ARB2A: variants seen among roughly 807,000 people sequenced by gnomAD.
ARB2A encodes ARB2 cotranscriptional regulator A.
the ARB2A span, among the ~76,000 whole-genome samples, chr5:93,855,184 G>C: frequency 6.6e-6 from 1 of 152,164 alleles, no homozygotes; most frequent in East Asian, 1.9e-4. Context: ...AGCTCTTCTT[G>C]TTGAATTGAT....
the ARB2A span, among the ~76,000 whole-genome samples, chr5:93,743,833 A>AT: frequency 6.6e-6 from 1 of 151,746 alleles, no homozygotes; most frequent in Non-Finnish European, 1.5e-5. Flanking sequence ...CGCCTGGCTA[A>AT]TTTTTTGTAT....
At chr5:93,981,785 T>C in the ARB2A span, among the ~76,000 whole-genome samples, 1 of 152,254 alleles carries the variant, frequency 6.6e-6, no homozygotes, top group South Asian at 2.1e-4. Context: ...GTAAAAATAC[T>C]GCAGCTAAAA....
the ARB2A span, among the ~76,000 whole-genome samples, chr5:93,637,308 GT>G: frequency 7.1e-6 from 1 of 140,638 alleles, no homozygotes; most frequent in Non-Finnish European, 1.5e-5. Flanking sequence ...ACCACAGCTT[GT>G]TTAACCATAA....
chr5:93,687,819 G>GTAGA, the ARB2A span, among the ~76,000 whole-genome samples: 1,205 of 152,158 alleles, frequency 7.9e-3, 17 homozygotes, highest in African/African-American at 0.027. Flanking sequence ...AATAAAAAAT[G>GTAGA]TAGATATTTT....
At chr5:93,941,483 C>T in the ARB2A span, among the ~76,000 whole-genome samples, 1 of 152,170 alleles carries the variant, frequency 6.6e-6, no homozygotes, top group South Asian at 2.1e-4. Flanking sequence ...GCCTTCTATG[C>T]ATTTAAACTC....
At chr5:94,025,149 T>C in the ARB2A span, among the ~76,000 whole-genome samples, 359 of 152,332 alleles carry the variant, frequency 2.4e-3, no homozygotes, top group African/African-American at 8.2e-3. Flanking sequence ...ATGGACTACA[T>C]TGGAATTAAG....
the ARB2A span, among the ~76,000 whole-genome samples, chr5:93,773,554 C>T: frequency 6.6e-6 from 1 of 152,090 alleles, no homozygotes; most frequent in East Asian, 1.9e-4. Flanking sequence ...GAGTCTTGAC[C>T]AACTATAGTG....
the ARB2A span, among the ~76,000 whole-genome samples, chr5:93,961,034 A>G: frequency 1.1e-4 from 16 of 152,284 alleles, no homozygotes; most frequent in African/African-American, 1.2e-4. Context: ...CAGTTAAAGA[A>G]GCCTAAAAAA....
chr5:94,016,997 T>C, the ARB2A span, among the ~76,000 whole-genome samples: 25 of 152,176 alleles, frequency 1.6e-4, no homozygotes, highest in African/African-American at 6.0e-4. Context: ...TTTCTGCCAG[T>C]TCCCTAGCAC....
chr5:93,873,365 GA>G, the ARB2A span, among the ~76,000 whole-genome samples: 6 of 9,930 alleles, frequency 6.0e-4, no homozygotes, highest in Admixed American at 1.4e-3. Context: ...GAAAGGAAAG[GA>G]AAGGAAAGGA....
chr5:93,625,206 T>C, the ARB2A span, among the ~76,000 whole-genome samples: 1 of 152,176 alleles, frequency 6.6e-6, no homozygotes, highest in Non-Finnish European at 1.5e-5. Flanking sequence ...TATTATTTTA[T>C]TATGAATTAC....
At chr5:93,740,725 G>A in the ARB2A span, 1 of 1,613,152 alleles carries the variant, frequency 6.2e-7, no homozygotes, top group Non-Finnish European at 8.5e-7. Flanking sequence ...AGGCCCGGCT[G>A]TCCCCACAAT....
the ARB2A span, among the ~76,000 whole-genome samples, chr5:93,989,492 A>G: frequency 6.6e-6 from 1 of 152,092 alleles, no homozygotes; most frequent in Non-Finnish European, 1.5e-5. Flanking sequence ...ACAGACCACA[A>G]CCTTTAAATC....
chr5:93,673,460 T>C, the ARB2A span, among the ~76,000 whole-genome samples: 1 of 152,166 alleles, frequency 6.6e-6, no homozygotes, highest in Non-Finnish European at 1.5e-5. Flanking sequence ...CATAGCAGTA[T>C]GAACTTCTTG....
the ARB2A span, among the ~76,000 whole-genome samples, chr5:93,852,855 T>G: frequency 6.6e-6 from 1 of 152,238 alleles, no homozygotes; most frequent in Non-Finnish European, 1.5e-5. Context: ...TTGGTTACTG[T>G]AGCCTTGTAG....
the ARB2A span, among the ~76,000 whole-genome samples, chr5:93,808,108 T>TA: frequency 1.3e-5 from 2 of 152,094 alleles, no homozygotes; most frequent in South Asian, 2.1e-4. Flanking sequence ...CAATTGGATA[T>TA]AAAAAACCTT....
At chr5:93,669,608 C>T in the ARB2A span, among the ~76,000 whole-genome samples, 11 of 152,116 alleles carry the variant, frequency 7.2e-5, no homozygotes, top group African/African-American at 1.2e-4. Context: ...TTTCAAATTA[C>T]GTGTTGTTGT....
At chr5:93,842,383 T>C in the ARB2A span, among the ~76,000 whole-genome samples, 4 of 152,204 alleles carry the variant, frequency 2.6e-5, no homozygotes, top group South Asian at 2.1e-4. Context: ...CAGTCTAAAG[T>C]AGTTTAAGAA....
chr5:93,699,225 C>T, the ARB2A span, among the ~76,000 whole-genome samples: 1 of 152,108 alleles, frequency 6.6e-6, no homozygotes, highest in African/African-American at 2.4e-5. Context: ...CTTTTAACCA[C>T]TATCTTAAAC....
Sources: gnomAD v4.1 joint callset for allele counts (sites outside exome capture counted in the v4.1 genomes callset) on GRCh38, gnomAD v4.1.1 for gene constraint, MANE v1.5 for transcripts, NCBI Gene and HGNC (gene_info 2026-07-23, HGNC 2026-07-21) for gene names.